The following SHC4 variants were observed in gnomAD, a reference collection of about 807,000 sequenced individuals.
The protein encoded by SHC4 is SHC-transforming protein 4.
Under a neutral mutation model 69.4 loss-of-function variants are expected in SHC4, and 41 were observed. That is an observed-to-expected ratio of 0.59 (90% CI 0.46 to 0.77). SHC4 has a LOEUF of 0.77. Among genes scored for constraint, SHC4 ranks in the 30% least tolerant of loss-of-function variants. The pLI is 0.00. For missense variants in SHC4, 777 were observed against 783.8 expected, an observed-to-expected ratio of 0.99 and a Z score of 0.10; for synonymous variants, 318 against 299.3, an observed-to-expected ratio of 1.06 and a Z score of -0.64.
At chr15:48,914,172 G>A (rs1195338481) in intron 2 of SHC4, among the ~76,000 whole-genome samples, 6 of 152,226 alleles carry the variant, frequency 3.9e-5, no homozygotes, top group Non-Finnish European at 5.9e-5. Context: ...GACATTGTGC[G>A]TTTTAAAGAC....
intron 1 of SHC4, among the ~76,000 whole-genome samples, chr15:48,930,820 T>TA (rs939024348): frequency 1.8e-4 from 27 of 152,126 alleles, no homozygotes; most frequent in Admixed American, 7.2e-4. Context: ...CTTTCCCATT[T>TA]AAAAAAAATG....
chr15:48,931,086 T>C (rs957213712), intron 1 of SHC4, among the ~76,000 whole-genome samples: 7 of 152,252 alleles, frequency 4.6e-5, no homozygotes, highest in Non-Finnish European at 7.3e-5. Context: ...CTTCTTTAGC[T>C]TTCCTGAGAA....
chr15:48,923,202 G>A (rs1249413985), intron 2 of SHC4, among the ~76,000 whole-genome samples: 4 of 152,150 alleles, frequency 2.6e-5, no homozygotes, highest in Non-Finnish European at 5.9e-5. Flanking sequence ...TGGAACCCTA[G>A]GATGTACATT....
In SHC4 at chr15:48,878,197, G is replaced by C. The variant is rs781278848; in HGVS notation, c.840+6051C>G. On this transcript the variant is annotated intron_variant, in intron 4 of 11. Coordinates refer to ENST00000332408, the MANE Select transcript of SHC4 (RefSeq NM_203349.4). ...GCACAATGTCGGAAATGGCTGAGTT[G>C]TCCGAGCTGTATGAAGAGAGCAGTG... The C allele has an allele frequency of 3.2e-6, 5 of 1,568,032 alleles. No individual in the cohort carries two copies. The African/African-American group carries it at 5.4e-5, about 17-fold the overall frequency.
intron 6 of SHC4, among the ~76,000 whole-genome samples, chr15:48,862,729 C>A (rs1271814719): frequency 6.6e-6 from 1 of 152,204 alleles, no homozygotes; most frequent in African/African-American, 2.4e-5. Flanking sequence ...GAAATAGCAT[C>A]TTCCCACCCT....
At chr15:48,877,700 T>A in intron 4 of SHC4, 1 of 409,086 alleles carries the variant, frequency 2.4e-6, no homozygotes, top group Non-Finnish European at 3.3e-6. Context: ...ATGAAAACAC[T>A]AAAAGGACAA....
intron 11 of SHC4, among the ~76,000 whole-genome samples, chr15:48,834,252 C>T (rs927099331): frequency 6.6e-6 from 1 of 152,118 alleles, no homozygotes; most frequent in Non-Finnish European, 1.5e-5. Context: ...CCAAATGTCC[C>T]CCTTTTGAAA....
chr15:48,960,238 C>T (rs900106496), intron 1 of SHC4, among the ~76,000 whole-genome samples: 2 of 152,186 alleles, frequency 1.3e-5, no homozygotes, highest in Non-Finnish European at 2.9e-5. Context: ...CACAGCAACT[C>T]TTTTCACATT....
chr15:48,859,295 C>T (rs898626278), intron 6 of SHC4, among the ~76,000 whole-genome samples: 1 of 140,738 alleles, frequency 7.1e-6, no homozygotes, highest in African/African-American at 2.6e-5. Flanking sequence ...TGTCTGAACA[C>T]ATTTGAAAGG....
In SHC4 at chr15:48,825,775, T is replaced by C. The variant is rs950916069; in HGVS notation, c.*196A>G. On this transcript the variant is annotated 3_prime_UTR_variant, in exon 12 of 12. Coordinates refer to ENST00000332408, the MANE Select transcript of SHC4 (RefSeq NM_203349.4). ...TTTAAAATGACCAACCCTCTTCCTC[T>C]TTTCTGATTTTCATTTCTGAAGACT... The C allele has an allele frequency of 2.2e-5, 13 of 601,638 alleles. No individual in the cohort carries two copies. The highest frequency in any genetic ancestry group is 1.1e-4 in the South Asian group (4 of 35,010). 37.3% of individuals were successfully genotyped at this position (601,638 alleles called of 1,614,324 possible). A position where few individuals can be genotyped will look rare whatever the true frequency, so the allele number is the denominator to read the frequency against.
chr15:48,880,384 G>C (rs1007371175), intron 4 of SHC4, among the ~76,000 whole-genome samples: 1 of 152,216 alleles, frequency 6.6e-6, no homozygotes, highest in African/African-American at 2.4e-5. Context: ...GCTACGGTCA[G>C]ATGAGTGTGG....
At chr15:48,904,114 G>A (rs529125786) in intron 2 of SHC4, among the ~76,000 whole-genome samples, 1 of 152,198 alleles carries the variant, frequency 6.6e-6, no homozygotes, top group East Asian at 1.9e-4. Context: ...CTTAAACCCA[G>A]GATTAAACAT....
chr15:48,935,979 G>A (rs1261556846), intron 1 of SHC4, among the ~76,000 whole-genome samples: 1 of 151,966 alleles, frequency 6.6e-6, no homozygotes, highest in Non-Finnish European at 1.5e-5. Context: ...TCACTATTCT[G>A]TGTCCTCTTT....
intron 1 of SHC4, among the ~76,000 whole-genome samples, chr15:48,939,037 G>A (rs1344066968): frequency 6.6e-6 from 1 of 152,216 alleles, no homozygotes; most frequent in Non-Finnish European, 1.5e-5. Context: ...ATCAGGTAAT[G>A]CATGTGTGGT....
At chr15:48,885,219 G>C (rs78368171) in intron 3 of SHC4, among the ~76,000 whole-genome samples, 2,975 of 152,188 alleles carry the variant, frequency 0.02, 66 homozygotes, top group East Asian at 0.075. Flanking sequence ...GTACCAACAG[G>C]GGGGCGAGAG....
At chr15:48,848,117 AG>A (rs1899130289) in intron 9 of SHC4, among the ~76,000 whole-genome samples, 1 of 152,136 alleles carries the variant, frequency 6.6e-6, no homozygotes, top group Admixed American at 6.5e-5. Context: ...TAGGGATGAA[AG>A]GACACTAGTA....
At chr15:48,888,882 CAAAAAAAAA>C (rs36036782) in intron 3 of SHC4, among the ~76,000 whole-genome samples, 2 of 89,158 alleles carry the variant, frequency 2.2e-5, no homozygotes, top group South Asian at 3.9e-4. Flanking sequence ...GTGAAACTGT[CAAAAAAAAA>C]AAAAAAAAAA....
At chr15:48,895,096 C>T (rs1461668293) in intron 2 of SHC4, among the ~76,000 whole-genome samples, 2 of 152,104 alleles carry the variant, frequency 1.3e-5, no homozygotes, top group African/African-American at 2.4e-5. Context: ...TGAGCCACAG[C>T]TCCTGGCCAG....
intron 4 of SHC4, among the ~76,000 whole-genome samples, chr15:48,881,052 T>A (rs1899934983): frequency 6.7e-6 from 1 of 149,698 alleles, no homozygotes; most frequent in Admixed American, 6.7e-5. Context: ...GAGAAAGGAG[T>A]TCTGGGGAAA....
Sources: gnomAD v4.1 joint callset for allele counts (sites outside exome capture counted in the v4.1 genomes callset) on GRCh38, gnomAD v4.1.1 for gene constraint, MANE v1.5 for transcripts, NCBI Gene and HGNC (gene_info 2026-07-23, HGNC 2026-07-21) for gene names.